MAEA: variants seen among roughly 807,000 people sequenced by gnomAD.
The protein encoded by MAEA is macrophage erythroblast attacher, E3 ubiquitin ligase, also known as E3 ubiquitin-protein transferase MAEA.
In MAEA, 22 loss-of-function variants were observed where a neutral mutation model predicts 46.2. That is an observed-to-expected ratio of 0.48 (90% CI 0.34 to 0.68). The LOEUF (loss-of-function observed/expected upper bound fraction) is 0.68, where lower values mean the gene tolerates loss of function less well. Ranked by LOEUF, MAEA falls within the 30% of genes least tolerant of loss-of-function variation. The pLI is 0.01. For missense variants in MAEA, 393 were observed against 558.1 expected (o/e 0.70, Z 2.98); for synonymous variants, 246 against 222.6 (o/e 1.11, Z -0.94).
At chr4:1,295,701 A>T (rs1242087573) in intron 1 of MAEA, among the ~76,000 whole-genome samples, 1 of 11,720 alleles carries the variant, frequency 8.5e-5, no homozygotes, top group Non-Finnish European at 1.5e-4. Flanking sequence ...CCTCACCCAC[A>T]CCTGTACCCC....
At chr4:1,334,766 A>T in intron 6 of MAEA, 1 of 591,752 alleles carries the variant, frequency 1.7e-6, no homozygotes, top group Non-Finnish European at 2.1e-6. Flanking sequence ...CATTTTGTTC[A>T]GAGAATGGCA....
Position 1,329,978 on chromosome 4 carries a change from C to A in MAEA, c.656+2275C>A, listed in dbSNP as rs1005559777. ...ACAGGGCTTGAGGCCAGCAGCCTAGCCTCTGGGTCCACTGGGGCAGGCAAG... is the reference window on the plus strand; with the variant it reads ...ACAGGGCTTGAGGCCAGCAGCCTAGACTCTGGGTCCACTGGGGCAGGCAAG... On this transcript the variant is annotated intron_variant, in intron 5 of 8. Coordinates refer to ENST00000303400, the MANE Select transcript of MAEA (RefSeq NM_001017405.3). 4.1e-6 allele frequency: 4 copies of A among 985,324 alleles called. No individual in the cohort carries two copies. In the African/African-American group the frequency reaches 7.0e-5, roughly 17 times the overall value. 61.0% of individuals were successfully genotyped at this position (985,324 alleles called of 1,614,324 possible).
chr4:1,321,236 G>A (rs1201851935), intron 3 of MAEA, among the ~76,000 whole-genome samples: 2 of 152,070 alleles, frequency 1.3e-5, no homozygotes, highest in African/African-American at 2.4e-5. Flanking sequence ...AAAACGCTAT[G>A]AAGGGGCTTC....
At chr4:1,297,754 A>G (rs1359095088) in intron 1 of MAEA, among the ~76,000 whole-genome samples, 1 of 152,134 alleles carries the variant, frequency 6.6e-6, no homozygotes, top group Non-Finnish European at 1.5e-5. Flanking sequence ...TGGCCGAACC[A>G]ATTTCTCCCC....
rs757695424 is a variant in MAEA at position 1,338,645 on chromosome 4, G to C, written c.1095+28G>C. 15 of 1,572,508 alleles carry C rather than the reference G, an allele frequency of 9.5e-6. No individual in the cohort carries two copies. In the African/African-American group the frequency reaches 2.0e-4, roughly 21 times the overall value. ...GAGGGGGGCAGGGCAGGGGGGCCAG[G>C]CTGGCACGCATCGCCATCGGGACAG... On this transcript the variant is annotated intron_variant, in intron 8 of 8. Coordinates refer to ENST00000303400, the MANE Select transcript of MAEA (RefSeq NM_001017405.3).
chr4:1,305,733 G>A (rs568484854), intron 1 of MAEA, among the ~76,000 whole-genome samples: 12 of 152,246 alleles, frequency 7.9e-5, no homozygotes, highest in Middle Eastern at 3.4e-3. Context: ...GTGCGCACGC[G>A]TGTGTGGGAG....
intron 1 of MAEA, among the ~76,000 whole-genome samples, chr4:1,306,972 G>A (rs1560339656): frequency 6.6e-6 from 1 of 152,132 alleles, no homozygotes; most frequent in Non-Finnish European, 1.5e-5. Context: ...TATGTAAATG[G>A]ACCCTGCCTG....
At chr4:1,321,194 CAGAAA>C (rs764983671) in intron 3 of MAEA, among the ~76,000 whole-genome samples, 3 of 151,714 alleles carry the variant, frequency 2.0e-5, no homozygotes, top group East Asian at 1.9e-4. Flanking sequence ...GAAGGGGCTT[CAGAAA>C]AGAAATCATC....
At chr4:1,293,897 A>G (rs1185492455) in intron 1 of MAEA, among the ~76,000 whole-genome samples, 1 of 152,210 alleles carries the variant, frequency 6.6e-6, no homozygotes, top group African/African-American at 2.4e-5. Flanking sequence ...TGTGTGCTGA[A>G]GTTGTAACTG....
intron 2 of MAEA, among the ~76,000 whole-genome samples, chr4:1,314,893 G>A (rs377017978): frequency 2.0e-5 from 3 of 152,204 alleles, no homozygotes; most frequent in African/African-American, 7.2e-5. Flanking sequence ...CAAATTTTTA[G>A]CGAAGAATTC....
rs114445281 is a variant in MAEA at position 1,305,404 on chromosome 4, G to A, written c.70-6575G>A. 6.2e-3 allele frequency among the ~76,000 whole-genome samples: 938 copies of A among 152,298 alleles called. 10 individuals carry two copies. Among genetic ancestry groups the A allele is most frequent in the African/African-American group, 0.021 (870 of 41,550 alleles). ...CCGTCTGATTGCTGGAGGACTCTTC[G>A]GTGTGGACACACCGTGGTTTGTTTA... On this transcript the variant is annotated intron_variant, in intron 1 of 8. Transcript: ENST00000303400.
intron 1 of MAEA, chr4:1,299,457 T>C (rs6819243): frequency 0.15 from 23,472 of 152,802 alleles, 3,477 homozygotes; most frequent in East Asian, 0.42. Flanking sequence ...TGAATAGCCT[T>C]CTGGCTGCTC....
chr4:1,323,000 G>A (rs1244079923), intron 4 of MAEA, among the ~76,000 whole-genome samples: 1 of 145,276 alleles, frequency 6.9e-6, no homozygotes, highest in Non-Finnish European at 1.5e-5. Flanking sequence ...TTGTCGCCAG[G>A]GTGGAGTGCA....
chr4:1,297,963 C>G, intron 1 of MAEA: 2 of 456,172 alleles, frequency 4.4e-6, no homozygotes, highest in African/African-American at 2.0e-5. Flanking sequence ...TAGAACATTC[C>G]AGCATGGAAA....
chr4:1,329,916 C>T (rs1176851807), intron 5 of MAEA: 37 of 985,488 alleles, frequency 3.8e-5, no homozygotes, highest in Non-Finnish European at 4.2e-5. Context: ...CCTCTGAACT[C>T]ACGGTCCACA....
chr4:1,328,318 T>G (rs1739109012), intron 5 of MAEA, among the ~76,000 whole-genome samples: 1 of 152,208 alleles, frequency 6.6e-6, no homozygotes, highest in African/African-American at 2.4e-5. Context: ...GAAGAGAGGC[T>G]GTCCGCTGGC....
At chr4:1,314,883 CA>C (rs1736939644) in intron 2 of MAEA, among the ~76,000 whole-genome samples, 1 of 152,178 alleles carries the variant, frequency 6.6e-6, no homozygotes, top group East Asian at 1.9e-4. Context: ...TGTGTGCTGT[CA>C]AATTTTTAGC....
intron 2 of MAEA, among the ~76,000 whole-genome samples, chr4:1,314,989 G>A (rs1244622609): frequency 2.6e-5 from 4 of 152,166 alleles, no homozygotes; most frequent in Non-Finnish European, 4.4e-5. Flanking sequence ...GGCCTGGAAC[G>A]TTTCTATCTA....
chr4:1,298,251 C>T lies in MAEA; in HGVS notation c.69+8269C>T, dbSNP rs188994246. The T allele has an allele frequency of 4.2e-4, 155 of 369,636 alleles. 2 individuals are homozygous for T. Among genetic ancestry groups the T allele is most frequent in the South Asian group, 1.2e-3 (59 of 51,064 alleles). 22.9% of individuals were successfully genotyped at this position (369,636 alleles called of 1,614,324 possible). On this transcript the variant is annotated intron_variant, in intron 1 of 8. Coordinates refer to ENST00000303400, the MANE Select transcript of MAEA (RefSeq NM_001017405.3). ...TTCCTTTCTTTTACTGGAGATATGT[C>T]ATTTGTGCCCCGCCCAAGGCCAGCC...
Sources: gnomAD v4.1 joint callset for allele counts (sites outside exome capture counted in the v4.1 genomes callset) on GRCh38, gnomAD v4.1.1 for gene constraint, MANE v1.5 for transcripts, NCBI Gene and HGNC (gene_info 2026-07-23, HGNC 2026-07-21) for gene names.